Variants in SCAPER observed in about 807,000 individuals in gnomAD.
SCAPER encodes the protein S phase cyclin A-associated protein in the endoplasmic reticulum.
SCAPER carries 98 observed loss-of-function variants against 182.2 expected under a neutral mutation model. The ratio of observed to expected loss-of-function variants is 0.54; its 90% confidence interval spans 0.46 to 0.64. The LOEUF (loss-of-function observed/expected upper bound fraction) is 0.64. Ranked by LOEUF, SCAPER falls within the 30% of genes least tolerant of loss-of-function variation. The pLI, the probability that SCAPER is intolerant of heterozygous loss-of-function variation, is 0.00. For synonymous variants in SCAPER, 605 were observed against 564.6 expected, an observed-to-expected ratio of 1.07 and a Z score of -1.01; for missense variants, 1,432 against 1,690.0, an observed-to-expected ratio of 0.85 and a Z score of 2.68.
intron 15 of SCAPER, among the ~76,000 whole-genome samples, chr15:76,741,665 G>C (rs2061546580): frequency 6.6e-6 from 1 of 152,028 alleles, no homozygotes; most frequent in Non-Finnish European, 1.5e-5. Flanking sequence ...CTATCTTTCT[G>C]GCTGATACAC....
At chr15:76,714,310 C>A (rs1353017339) in intron 17 of SCAPER, among the ~76,000 whole-genome samples, 1 of 152,056 alleles carries the variant, frequency 6.6e-6, no homozygotes, top group Non-Finnish European at 1.5e-5. Flanking sequence ...TTAGTAAGTG[C>A]TCAGTTATAC....
intron 22 of SCAPER, among the ~76,000 whole-genome samples, chr15:76,584,401 A>C (rs1000031834): frequency 6.6e-6 from 1 of 152,216 alleles, no homozygotes; most frequent in Non-Finnish European, 1.5e-5. Flanking sequence ...TTTAAATAAC[A>C]GAGTATAATT....
intron 9 of SCAPER, among the ~76,000 whole-genome samples, chr15:76,773,713 A>G (rs1031670879): frequency 2.0e-5 from 3 of 151,958 alleles, no homozygotes; most frequent in African/African-American, 7.2e-5. Flanking sequence ...CATTCTCATC[A>G]GTAAAGGAAG....
intron 4 of SCAPER, among the ~76,000 whole-genome samples, chr15:76,842,486 G>A (rs2069576491): frequency 6.6e-6 from 1 of 152,118 alleles, no homozygotes; most frequent in Non-Finnish European, 1.5e-5. Flanking sequence ...AAGGTGCCTT[G>A]GTTCCTCTTC....
Position 76,363,511 on chromosome 15 carries a change from A to G in SCAPER, c.3856-9371T>C, listed in dbSNP as rs559480027. Among the ~76,000 whole-genome samples, 11 of 152,272 alleles carry G rather than the reference A, an allele frequency of 7.2e-5. No individual in the cohort carries two copies. In the East Asian group the frequency reaches 2.1e-3, roughly 29 times the overall value. On this transcript the variant is annotated intron_variant, in intron 29 of 31. Coordinates refer to ENST00000563290, the MANE Select transcript of SCAPER (RefSeq NM_020843.4). ...AGCAGCTTCTTTCTGCTGGCTTTGT[A>G]AGCACCTGTCAAAACCTAAGGCCAA...
intron 23 of SCAPER, among the ~76,000 whole-genome samples, chr15:76,542,968 G>C (rs1436470138): frequency 6.6e-6 from 1 of 151,940 alleles, no homozygotes; most frequent in Non-Finnish European, 1.5e-5. Flanking sequence ...TTTTTCAGTT[G>C]TTTAGTATAC....
At chr15:76,644,489 G>T (rs1597889858) in intron 21 of SCAPER, among the ~76,000 whole-genome samples, 1 of 151,644 alleles carries the variant, frequency 6.6e-6, no homozygotes, top group Middle Eastern at 3.4e-3. Flanking sequence ...GATATTTGAG[G>T]TCCTCAATAA....
At chr15:76,497,474 G>A (rs986761112) in intron 24 of SCAPER, among the ~76,000 whole-genome samples, 2 of 151,958 alleles carry the variant, frequency 1.3e-5, no homozygotes, top group Non-Finnish European at 2.9e-5. Flanking sequence ...CCTAGAACAA[G>A]TAGTATTCAT....
At chr15:76,904,882 C>G (rs1245678222) in intron 1 of SCAPER, 1 of 152,348 alleles carries the variant, frequency 6.6e-6, no homozygotes. Flanking sequence ...GGAGGCTCCT[C>G]CAGGGGCCCC....
chr15:76,652,542 C>T (rs1325299242), intron 21 of SCAPER, among the ~76,000 whole-genome samples: 1 of 144,184 alleles, frequency 6.9e-6, no homozygotes, highest in African/African-American at 2.6e-5. Flanking sequence ...CACACACACA[C>T]ACACACACAC....
rs2146206020 is a variant in SCAPER, at chr15:76,628,172, G to C, written c.2646-6343C>G. On this transcript the variant is annotated intron_variant, in intron 21 of 31. Transcript: ENST00000563290. ...TAAGTTTAAGTTCCTTTTAGATTCT[G>C]GATATTAGGCCTTAATTAGATGCAT... 2.6e-5 allele frequency among the ~76,000 whole-genome samples: 4 copies of C among 151,944 alleles called. No homozygotes were observed. In the Middle Eastern group the frequency reaches 0.01, roughly 388 times the overall value.
intron 25 of SCAPER, among the ~76,000 whole-genome samples, chr15:76,443,360 G>A (rs1221315496): frequency 6.6e-6 from 1 of 152,202 alleles, no homozygotes; most frequent in African/African-American, 2.4e-5. Flanking sequence ...CCCTTTAAGA[G>A]CAAGACGAAT....
intron 16 of SCAPER, 121 bp from the exon 17 acceptor site, chr15:76,728,858 T>G: frequency 2.0e-6 from 2 of 1,008,248 alleles, no homozygotes; most frequent in Non-Finnish European, 2.8e-6. Context: ...GGCTTGCCAC[T>G]AGGTACTCTG....
chr15:76,381,641 G>C (rs1216119990), intron 27 of SCAPER, 26 bp from the exon 28 acceptor site: 2 of 1,524,250 alleles, frequency 1.3e-6, no homozygotes, highest in Admixed American at 3.9e-5. Context: ...TCAGTTCTTT[G>C]AGAAAAACTA....
intron 23 of SCAPER, among the ~76,000 whole-genome samples, chr15:76,514,202 T>C (rs1382884601): frequency 1.3e-5 from 2 of 152,220 alleles, no homozygotes; most frequent in African/African-American, 2.4e-5. Context: ...GAAAGCTTGG[T>C]AATTCTGATT....
intron 1 of SCAPER, among the ~76,000 whole-genome samples, chr15:76,895,592 C>T (rs191461479): frequency 1.3e-5 from 2 of 151,940 alleles, no homozygotes; most frequent in East Asian, 3.9e-4. Flanking sequence ...TTGCAGATTA[C>T]ATGATCTTAT....
chr15:76,566,459 T>G (rs1389169105), intron 23 of SCAPER, among the ~76,000 whole-genome samples: 1 of 152,082 alleles, frequency 6.6e-6, no homozygotes, highest in Non-Finnish European at 1.5e-5. Context: ...TTGGACAAAC[T>G]CCATGTCCAA....
At chr15:76,724,864 G>C (rs1464314621) in intron 17 of SCAPER, among the ~76,000 whole-genome samples, 3 of 151,962 alleles carry the variant, frequency 2.0e-5, no homozygotes, top group Admixed American at 6.6e-5. Flanking sequence ...CTTTGCCATT[G>C]GTTCGAACTT....
chr15:76,696,107 G>A (rs146855461), intron 20 of SCAPER, among the ~76,000 whole-genome samples: 4 of 152,218 alleles, frequency 2.6e-5, no homozygotes, highest in Non-Finnish European at 5.9e-5. Context: ...TTCTACAAAG[G>A]CAAGCAAGGT....
Sources: gnomAD v4.1 joint callset for allele counts (sites outside exome capture counted in the v4.1 genomes callset) on GRCh38, gnomAD v4.1.1 for gene constraint, MANE v1.5 for transcripts, NCBI Gene and HGNC (gene_info 2026-07-23, HGNC 2026-07-21) for gene names.